Variants in DDX60 observed in about 807,000 individuals in gnomAD.
DDX60 encodes probable ATP-dependent RNA helicase DDX60.
In DDX60, 165 loss-of-function variants were observed where a neutral mutation model predicts 212.8. That is an observed-to-expected ratio of 0.78 (90% CI 0.68 to 0.88). The LOEUF (loss-of-function observed/expected upper bound fraction) is 0.88, where lower values mean the gene tolerates loss of function less well. Among genes scored for constraint, DDX60 ranks in the 40% least tolerant of loss-of-function variants. DDX60 has a pLI of 0.00. For missense variants in DDX60, 1,905 were observed against 2,003.9 expected, an observed-to-expected ratio of 0.95 and a Z score of 0.94; for synonymous variants, 703 against 685.3, an observed-to-expected ratio of 1.03 and a Z score of -0.40.
intron 2 of DDX60, 55 bp downstream of exon 2, chr4:168,311,201 A>C: frequency 1.3e-6 from 2 of 1,575,598 alleles, no homozygotes; most frequent in Non-Finnish European, 1.7e-6. Flanking sequence ...AAATCTATGT[A>C]GTTTACAGGG....
intron 6 of DDX60, among the ~76,000 whole-genome samples, 191 bp downstream of exon 6, chr4:168,302,109 G>A (rs992459227): frequency 2.6e-5 from 4 of 152,180 alleles, no homozygotes; most frequent in Non-Finnish European, 4.4e-5. Context: ...TTGGAATAAG[G>A]TCTAAAGTTT....
rs868050467 is a variant in DDX60 at position 168,272,090 on chromosome 4, G to A, written c.2623C>T (p.His875Tyr). 2 of 1,588,040 alleles carry A rather than the reference G, an allele frequency of 1.3e-6. No individual in the cohort carries two copies. Among genetic ancestry groups the A allele is most frequent in the East Asian group, 2.3e-5 (1 of 44,090 alleles). The change falls in exon 19 of 38, where the codon CAT becomes TAT. Residue 875 changes from histidine (H) to tyrosine (Y), a missense_variant. By Grantham distance (83) the His-to-Tyr change is moderately conservative. Transcript: ENST00000393743. ...ATCTTTTTCACCCAGTTTTGGCGAT[G>A]AGGAGCAAGCAGCAGAATTTCAAAG... ...ACFEILLLAP[H>Y]RQNWVKKIRY...
At chr4:168,255,963 T>C (rs1734391755) in intron 25 of DDX60, 94 bp from the exon 26 acceptor site, 1 of 1,343,896 alleles carries the variant, frequency 7.4e-7, no homozygotes, top group Non-Finnish European at 9.8e-7. Context: ...GACATCTGCC[T>C]GTTGGGTTTT....
In DDX60 at chr4:168,302,324, T is replaced by C. The variant is rs1248066271; in HGVS notation, c.699A>G (p.Leu233=). ...CCTCTTCCGTAATATTATTCCATTT[T>C]AAACTTCCAAAAAGAGGTGCTAATG... ...LSALAPLFGS[L]KWNNITEEAH... The change falls in exon 6 of 38, where the codon TTA becomes TTG. Residue 233 remains leucine (L), a synonymous_variant. Transcript: ENST00000393743. 1.3e-6 allele frequency: 2 copies of C among 1,564,722 alleles called. No homozygotes were observed. The highest frequency in any genetic ancestry group is 1.7e-6 in the Non-Finnish European group (2 of 1,150,218).
At chr4:168,297,768 G>T (rs867217372) in intron 6 of DDX60, among the ~76,000 whole-genome samples, 1 of 151,976 alleles carries the variant, frequency 6.6e-6, no homozygotes, top group African/African-American at 2.4e-5. Context: ...TGGTGGCACA[G>T]GCCTGTAGTT....
intron 30 of DDX60, among the ~76,000 whole-genome samples, chr4:168,238,418 GGGAGGGAAGGGAAGGGAAGGGA>G (rs1733711742): frequency 8.9e-6 from 1 of 112,954 alleles, no homozygotes; most frequent in African/African-American, 3.4e-5. Context: ...GGGAGGAGAG[GGGAGGGAAGGGAAGGGAAGGGA>G]AGGGAAGGGA....
Position 168,260,433 on chromosome 4 carries a change from T to C in DDX60, c.3398+432A>G, listed in dbSNP as rs1033035227. Among the ~76,000 whole-genome samples the C allele has an allele frequency of 6.6e-5, 10 of 152,150 alleles. 1 individual carries two copies. Among genetic ancestry groups the C allele is most frequent in the African/African-American group, 2.4e-4 (10 of 41,440 alleles). Reference sequence around the variant, plus strand: ...AATAGTAATGAACACCGCACTACGATAGGGAACTTTGTATAACACCCCTCA... The same window carrying C: ...AATAGTAATGAACACCGCACTACGACAGGGAACTTTGTATAACACCCCTCA... On this transcript the variant is annotated intron_variant, in intron 25 of 37. Coordinates refer to ENST00000393743, the MANE Select transcript of DDX60 (RefSeq NM_017631.6).
chr4:168,288,038 C>T (rs1735935775), intron 9 of DDX60, 136 bp downstream of exon 9: 6 of 519,660 alleles, frequency 1.2e-5, no homozygotes, highest in Non-Finnish European at 1.9e-5. Context: ...TAAAATATTA[C>T]ATACAAATGT....
chr4:168,290,356 C>CCTCG (rs1222891440), intron 8 of DDX60, among the ~76,000 whole-genome samples: 1 of 144,702 alleles, frequency 6.9e-6, no homozygotes, highest in Admixed American at 7.0e-5. Context: ...TGAGACGGAG[C>CCTCG]CTCGCTCTGT....
upstream of DDX60, among the ~76,000 whole-genome samples, chr4:168,319,230 G>A (rs754366689): frequency 6.6e-6 from 1 of 152,014 alleles, no homozygotes; most frequent in Non-Finnish European, 1.5e-5. Context: ...CCTTAAAAGA[G>A]AGAGACAAAG....
intron 14 of DDX60, among the ~76,000 whole-genome samples, chr4:168,277,568 T>A (rs1220480654): frequency 6.6e-6 from 1 of 152,070 alleles, no homozygotes; most frequent in African/African-American, 2.4e-5. Context: ...CCGGGCGCAG[T>A]GGCTCACACC....
intron 13 of DDX60, among the ~76,000 whole-genome samples, chr4:168,280,978 A>G (rs1735567655): frequency 6.6e-6 from 1 of 151,960 alleles, no homozygotes; most frequent in African/African-American, 2.4e-5. Flanking sequence ...CTTACCTACT[A>G]AAAATACAAA....
At position 168,279,721 on chromosome 4, in the gene DDX60, C is replaced by T. The variant is rs558271076; in HGVS notation, c.1978+614G>A. ...CGTGTTTGATAAAGAAGTGAAACAA[C>T]ATATTGAAGTTCATTAGGAAATGTT... On this transcript the variant is annotated intron_variant, in intron 14 of 37. Coordinates refer to ENST00000393743, the MANE Select transcript of DDX60 (RefSeq NM_017631.6). Among the ~76,000 whole-genome samples, 4 of 152,236 alleles carry T rather than the reference C, an allele frequency of 2.6e-5. No individual in the cohort carries two copies. In the East Asian group the frequency reaches 5.8e-4, roughly 22 times the overall value.
intron 6 of DDX60, among the ~76,000 whole-genome samples, chr4:168,300,105 G>C (rs985562505): frequency 2.0e-5 from 3 of 151,926 alleles, no homozygotes; most frequent in South Asian, 2.1e-4. Context: ...TGACTAAGTT[G>C]GATTTATTCC....
At chr4:168,290,523 T>G (rs1736047055) in intron 8 of DDX60, among the ~76,000 whole-genome samples, 1 of 151,884 alleles carries the variant, frequency 6.6e-6, no homozygotes, top group Admixed American at 6.6e-5. Context: ...ATATTTTTAG[T>G]AGAGACGGGG....
Position 168,288,167 on chromosome 4 carries a change from A to T in DDX60, c.1183+7T>A, listed in dbSNP as rs766213241. ...GGAAGTATGATTATAATATACTGAGATGGTACCTTTTACATTTTCATTTTC... is the reference window on the plus strand; with the variant it reads ...GGAAGTATGATTATAATATACTGAGTTGGTACCTTTTACATTTTCATTTTC... On this transcript the variant is annotated splice_region_variant and intron_variant, in intron 9 of 37. Transcript: ENST00000393743. 6.9e-7 allele frequency: 1 copy of T among 1,457,146 alleles called. No homozygotes were observed. Among genetic ancestry groups the T allele is most frequent in the South Asian group, 1.3e-5 (1 of 79,444 alleles). The allele number at this position is 1,457,146 out of a possible 1,614,324, so 90.3% of individuals were successfully genotyped here.
chr4:168,293,946 CTGTCAAAGAAAAAAATTGTAA>C lies in DDX60; in HGVS notation c.724-22_724-2del. Reference sequence around the variant, plus strand: ...TAAGCAGAGATACAGTCTTGTGTGCCTGTCAAAGAAAAAAATTGTAATGTGTCATGCTATTTAGAAAAATAT... The same window carrying C: ...TAAGCAGAGATACAGTCTTGTGTGCCTGTGTCATGCTATTTAGAAAAATAT... On this transcript the variant is annotated splice_acceptor_variant and splice_polypyrimidine_tract_variant and intron_variant, in intron 6 of 37. Transcript: ENST00000393743. LOFTEE classifies it high-confidence loss of function. 6.3e-7 allele frequency: 1 copy of C among 1,593,062 alleles called. No individual in the cohort carries two copies. The highest frequency in any genetic ancestry group is 2.2e-5 in the East Asian group (1 of 44,716).
At chr4:168,255,594 A>T in intron 26 of DDX60, 117 bp downstream of exon 26, 1 of 852,540 alleles carries the variant, frequency 1.2e-6, no homozygotes, top group Non-Finnish European at 1.7e-6. Context: ...CAATTTAGAA[A>T]TAAGTCCAAG....
intron 24 of DDX60, among the ~76,000 whole-genome samples, chr4:168,261,249 G>A (rs1579012410): frequency 6.6e-6 from 1 of 152,188 alleles, no homozygotes; most frequent in Non-Finnish European, 1.5e-5. Flanking sequence ...TACAAATCAG[G>A]AATAGAAGGA....
Sources: allele counts gnomAD v4.1 joint callset (sites outside exome capture counted in the v4.1 genomes callset), GRCh38; gene constraint gnomAD v4.1.1; transcripts MANE v1.5; gene names NCBI Gene and HGNC (gene_info 2026-07-23, HGNC 2026-07-21).